TENM2: variants seen among roughly 807,000 people sequenced by gnomAD.
TENM2 encodes teneurin transmembrane protein 2.
In TENM2, 52 loss-of-function variants were observed where a neutral mutation model predicts 245.2. That is an observed-to-expected ratio of 0.21 (90% CI 0.17 to 0.27). The LOEUF (loss-of-function observed/expected upper bound fraction) is 0.27. Among genes scored for constraint, TENM2 ranks in the 10% least tolerant of loss-of-function variants. TENM2 has a pLI of 1.00. For missense variants in TENM2, 3,046 were observed against 3,666.8 expected (o/e 0.83, Z 4.37); for synonymous variants, 1,363 against 1,438.9 (o/e 0.95, Z 1.19).
At chr5:167,327,039 T>C (rs1025192750) in intron 1 of TENM2, among the ~76,000 whole-genome samples, 6 of 152,340 alleles carry the variant, frequency 3.9e-5, no homozygotes, top group South Asian at 2.1e-4. Flanking sequence ...AATTTTATTA[T>C]TATACTTTAA....
chr5:167,447,042 G>GA (rs769974592), intron 2 of TENM2, among the ~76,000 whole-genome samples: 6 of 152,246 alleles, frequency 3.9e-5, no homozygotes, highest in Admixed American at 1.3e-4. Flanking sequence ...AGAAGTTTTG[G>GA]AATTGGAAGC....
intron 4 of TENM2, among the ~76,000 whole-genome samples, chr5:167,983,669 T>A (rs1056205401): frequency 6.6e-6 from 1 of 152,186 alleles, no homozygotes; most frequent in African/African-American, 2.4e-5. Flanking sequence ...TGGCTTCTTG[T>A]TTTTCAAACC....
At position 167,731,955 on chromosome 5, in the gene TENM2, C is replaced by T. The variant is rs1307609473; in HGVS notation, c.503-144031C>T. On this transcript the variant is annotated intron_variant, in intron 2 of 28. Transcript: ENST00000518659. ...GTTGATGTTTTGGAAATCAAGTAGG[C>T]ATACATGATAATATTGTGAGCAAAT... is the stretch of plus-strand genomic sequence containing the variant. 2.0e-5 allele frequency among the ~76,000 whole-genome samples: 3 copies of T among 152,182 alleles called. No homozygotes were observed. The East Asian group carries it at 5.8e-4, about 29-fold the overall frequency.
rs540749608 is a variant in TENM2 at position 167,450,530 on chromosome 5, G to A, written c.502+75057G>A. Among the ~76,000 whole-genome samples, 5 of 151,698 alleles carry A rather than the reference G, an allele frequency of 3.3e-5. No homozygotes were observed. In the South Asian group the frequency reaches 1.0e-3, roughly 32 times the overall value. ...GTAAATATTTCTTGAATTCATGGTG[G>A]GTATATATAGAAAGTAAAACTCTAT... On this transcript the variant is annotated intron_variant, in intron 2 of 28. Transcript: ENST00000518659.
At chr5:167,817,703 G>A (rs554801379) in intron 2 of TENM2, among the ~76,000 whole-genome samples, 2 of 152,280 alleles carry the variant, frequency 1.3e-5, no homozygotes, top group Admixed American at 6.5e-5. Context: ...CAGTATTAAC[G>A]TAGAGAGGCT....
chr5:167,345,500 G>C (rs1330156093), intron 1 of TENM2, among the ~76,000 whole-genome samples: 1 of 152,216 alleles, frequency 6.6e-6, no homozygotes, highest in Non-Finnish European at 1.5e-5. Flanking sequence ...TTTTATTTAA[G>C]TTATGTTTTG....
At chr5:168,098,756 G>A (rs1025503632) in intron 9 of TENM2, among the ~76,000 whole-genome samples, 20 of 151,940 alleles carry the variant, frequency 1.3e-4, no homozygotes, top group Non-Finnish European at 2.5e-4. Flanking sequence ...AGAGCAGAGC[G>A]TCTCACACTT....
chr5:167,491,919 G>A (rs1768452034), intron 2 of TENM2, among the ~76,000 whole-genome samples: 1 of 151,914 alleles, frequency 6.6e-6, no homozygotes, highest in South Asian at 2.1e-4. Context: ...ATATTATCTC[G>A]GATAATTGCT....
rs562824359 is a variant in TENM2, at chr5:168,104,446, C to T, written c.1813+6319C>T. 9.8e-5 allele frequency among the ~76,000 whole-genome samples: 15 copies of T among 152,346 alleles called. No homozygotes were observed. In the South Asian group the frequency reaches 2.1e-3, roughly 21 times the overall value. ...CAGCTGTGCCCGGAATTCCCTGGCT[C>T]TGCCAGTTTCTGTGACTGCAGGCAG... On this transcript the variant is annotated intron_variant, in intron 9 of 28. Transcript: ENST00000518659.
intron 2 of TENM2, among the ~76,000 whole-genome samples, chr5:167,531,056 C>T (rs555634740): frequency 2.6e-5 from 4 of 152,244 alleles, no homozygotes; most frequent in East Asian, 3.9e-4. Context: ...TGAATGACAC[C>T]GGGGTGTCAC....
chr5:167,401,211 C>T (rs1051274906), intron 2 of TENM2, among the ~76,000 whole-genome samples: 6 of 152,084 alleles, frequency 3.9e-5, no homozygotes, highest in Admixed American at 2.0e-4. Context: ...ACTAATGCCT[C>T]ATATACAGTA....
chr5:167,860,993 GAC>G (rs374226688), intron 2 of TENM2, among the ~76,000 whole-genome samples: 7,635 of 122,998 alleles, frequency 0.062, 294 homozygotes, highest in Middle Eastern at 0.14. Context: ...ATTGTCCCAT[GAC>G]CCTGCCAAAT....
chr5:167,173,591 G>A, the TENM2 span, among the ~76,000 whole-genome samples: 2 of 152,086 alleles, frequency 1.3e-5, no homozygotes, highest in African/African-American at 4.8e-5. Flanking sequence ...TTTTTGGTGT[G>A]TGTACACTTG....
chr5:167,073,802 TG>T, the TENM2 span, among the ~76,000 whole-genome samples: 1 of 152,308 alleles, frequency 6.6e-6, no homozygotes, highest in African/African-American at 2.4e-5. Context: ...ATCTGTTAAA[TG>T]TTGTTAATCT....
rs148633416 is a variant in TENM2 at position 167,631,248 on chromosome 5, A to G, written c.503-244738A>G. On this transcript the variant is annotated intron_variant, in intron 2 of 28. Coordinates refer to ENST00000518659, the Ensembl canonical transcript of TENM2. Reference sequence around the variant, plus strand: ...GATTTGAGCTGTGATAAAAAAAGATAATGAAATAATAAAACGAAGAGAGGC... The same window carrying G: ...GATTTGAGCTGTGATAAAAAAAGATGATGAAATAATAAAACGAAGAGAGGC... Among the ~76,000 whole-genome samples, 553 of 152,282 alleles carry G rather than the reference A, an allele frequency of 3.6e-3. 2 individuals are homozygous for G. Among genetic ancestry groups the G allele is most frequent in the Non-Finnish European group, 5.8e-3 (397 of 68,032 alleles).
intron 23 of TENM2, among the ~76,000 whole-genome samples, chr5:168,224,141 T>C (rs561791035): frequency 1.3e-5 from 2 of 152,304 alleles, no homozygotes; most frequent in African/African-American, 2.4e-5. Context: ...AGCACCTTTG[T>C]CCCCCTGCCT....
intron 2 of TENM2, among the ~76,000 whole-genome samples, chr5:167,664,379 A>C (rs1167349654): frequency 1.3e-5 from 2 of 152,216 alleles, no homozygotes; most frequent in African/African-American, 2.4e-5. Context: ...TTTTCAGTAC[A>C]ATCTTTCCCT....
At chr5:168,228,608 G>GGAATTGAGGGTCTGATAAAATA (rs1554227683) in intron 25 of TENM2, among the ~76,000 whole-genome samples, 5 of 142,306 alleles carry the variant, frequency 3.5e-5, no homozygotes, top group Non-Finnish European at 6.3e-5. Flanking sequence ...TTGCACTCAA[G>GGAATTGAGGGTCTGATAAAATA]GAATTGAGGG....
At chr5:167,078,484 AAAC>A in the TENM2 span, among the ~76,000 whole-genome samples, 724 of 54,782 alleles carry the variant, frequency 0.013, 4 homozygotes, top group Non-Finnish European at 0.017. Context: ...ACTCTGTCTC[AAAC>A]AACAACAACA....
Sources: gnomAD v4.1 joint callset for allele counts (sites outside exome capture counted in the v4.1 genomes callset) on GRCh38, gnomAD v4.1.1 for gene constraint, MANE v1.5 for transcripts, NCBI Gene and HGNC (gene_info 2026-07-23, HGNC 2026-07-21) for gene names.